SPECC1L: variants seen among roughly 807,000 people sequenced by gnomAD.
The protein encoded by SPECC1L is cytospin-A.
A neutral mutation model predicts 116.8 loss-of-function variants in SPECC1L; 40 were observed. The observed-to-expected ratio is 0.34, with a 90% CI of 0.27 to 0.45. The LOEUF (loss-of-function observed/expected upper bound fraction) is 0.45. Among genes scored for constraint, SPECC1L ranks in the 20% least tolerant of loss-of-function variants. SPECC1L has a pLI of 1.00. For missense variants in SPECC1L, 1,110 were observed against 1,373.6 expected (o/e 0.81, Z 3.03); for synonymous variants, 504 against 500.6 (o/e 1.01, Z -0.09).
intron 14 of SPECC1L, among the ~76,000 whole-genome samples, chr22:24,387,586 G>A (rs1449822463): frequency 6.6e-6 from 1 of 151,992 alleles, no homozygotes; most frequent in Non-Finnish European, 1.5e-5. Context: ...ATTATCTGTG[G>A]TTTTGAGGTT....
At chr22:24,404,311 C>T (rs2042541543) in intron 14 of SPECC1L, among the ~76,000 whole-genome samples, 2 of 152,182 alleles carry the variant, frequency 1.3e-5, no homozygotes, top group African/African-American at 4.8e-5. Context: ...GCCGCACTTT[C>T]TGTCTCTCCG....
intron 14 of SPECC1L, among the ~76,000 whole-genome samples, chr22:24,389,109 A>ATTTT (rs763818960): frequency 2.1e-4 from 21 of 99,928 alleles, no homozygotes; most frequent in African/African-American, 4.5e-4. Flanking sequence ...TCTATAACTG[A>ATTTT]TTTTTTTTTT....
intron 11 of SPECC1L, among the ~76,000 whole-genome samples, chr22:24,359,381 A>G (rs2054600048): frequency 6.6e-6 from 1 of 152,182 alleles, no homozygotes; most frequent in African/African-American, 2.4e-5. Context: ...TGCCTGGTCC[A>G]CATCTTTCCC....
rs528994980 is a variant in SPECC1L at position 24,303,676 on chromosome 22, A to C, written c.153+1292A>C. 3.9e-5 allele frequency among the ~76,000 whole-genome samples: 6 copies of C among 152,302 alleles called. No homozygotes were observed. The South Asian group carries it at 1.2e-3, about 32-fold the overall frequency. ...TTTGGAGGTTTACTATGGAATGTGC[A>C]CTGAGCAGGCATGTTACACCTTCTG... On this transcript the variant is annotated intron_variant, in intron 3 of 16. Coordinates refer to ENST00000314328, the MANE Select transcript of SPECC1L (RefSeq NM_015330.6).
chr22:24,360,411 C>T (rs114266656), intron 11 of SPECC1L, among the ~76,000 whole-genome samples: 217 of 152,206 alleles, frequency 1.4e-3, no homozygotes, highest in African/African-American at 4.7e-3. Context: ...GTTCTCAGTG[C>T]GTTTTTGTGT....
intron 4 of SPECC1L, among the ~76,000 whole-genome samples, chr22:24,317,355 C>T (rs112806494): frequency 8.4e-6 from 1 of 119,080 alleles, no homozygotes; most frequent in Non-Finnish European, 1.9e-5. Context: ...GCTGGCCGGG[C>T]AGAGGGGCTC....
chr22:24,288,479 C>T (rs565012782), intron 2 of SPECC1L, among the ~76,000 whole-genome samples: 13 of 152,104 alleles, frequency 8.5e-5, no homozygotes, highest in African/African-American at 2.4e-4. Flanking sequence ...AACTTCTTAG[C>T]ATTTTTTATT....
intron 14 of SPECC1L, among the ~76,000 whole-genome samples, chr22:24,396,687 A>G (rs935133725): frequency 5.3e-5 from 8 of 152,180 alleles, no homozygotes; most frequent in Non-Finnish European, 8.8e-5. Context: ...TAACCTTTTC[A>G]ACACTCCAGT....
intron 16 of SPECC1L, among the ~76,000 whole-genome samples, chr22:24,413,647 A>G (rs1329217153): frequency 1.3e-5 from 2 of 152,216 alleles, no homozygotes; most frequent in African/African-American, 4.8e-5. Flanking sequence ...GTACAGGGAA[A>G]AATAAGTTAA....
At chr22:24,379,756 T>C (rs1460064566) in intron 14 of SPECC1L, among the ~76,000 whole-genome samples, 1 of 152,236 alleles carries the variant, frequency 6.6e-6, no homozygotes, top group Non-Finnish European at 1.5e-5. Context: ...GGCTTTTGTT[T>C]CCTGTGAGAC....
intron 10 of SPECC1L, among the ~76,000 whole-genome samples, chr22:24,346,516 CA>C (rs2041299224): frequency 6.6e-6 from 1 of 152,184 alleles, no homozygotes; most frequent in East Asian, 1.9e-4. Context: ...TATTTTGGAA[CA>C]TGTTTTTGTA....
intron 14 of SPECC1L, among the ~76,000 whole-genome samples, chr22:24,396,625 CATATT>C (rs1301265841): frequency 2.0e-5 from 3 of 152,152 alleles, no homozygotes; most frequent in Admixed American, 6.5e-5. Context: ...ATTTCTGAAA[CATATT>C]ATTATTTCCA....
intron 11 of SPECC1L, among the ~76,000 whole-genome samples, chr22:24,356,130 A>G (rs2041528297): frequency 6.6e-6 from 1 of 152,032 alleles, no homozygotes; most frequent in South Asian, 2.1e-4. Context: ...ACTTGGCAGC[A>G]TGTTTTTATT....
chr22:24,288,809 A>G (rs1268220015), intron 2 of SPECC1L, among the ~76,000 whole-genome samples: 4 of 152,072 alleles, frequency 2.6e-5, no homozygotes, highest in Admixed American at 6.6e-5. Context: ...TACTTTTAGT[A>G]GAGACGGGTT....
chr22:24,390,874 T>TTTA (rs56823039), intron 14 of SPECC1L, among the ~76,000 whole-genome samples: 2 of 63,990 alleles, frequency 3.1e-5, no homozygotes, highest in South Asian at 6.5e-4. Context: ...TTTCTTTTCT[T>TTTA]TTTTTTTTTT....
intron 2 of SPECC1L, among the ~76,000 whole-genome samples, chr22:24,290,070 A>G (rs17004893): frequency 0.028 from 4,286 of 152,200 alleles, 207 homozygotes; most frequent in South Asian, 0.091. Flanking sequence ...CTGGGGATTC[A>G]TTGGCCCTGC....
intron 2 of SPECC1L, among the ~76,000 whole-genome samples, chr22:24,288,402 G>A (rs930397899): frequency 4.6e-5 from 7 of 151,792 alleles, no homozygotes; most frequent in African/African-American, 1.7e-4. Flanking sequence ...ATCCCCTAGG[G>A]TACAAAATTG....
At chr22:24,396,520 A>G (rs902966134) in intron 14 of SPECC1L, among the ~76,000 whole-genome samples, 3 of 151,908 alleles carry the variant, frequency 2.0e-5, no homozygotes, top group African/African-American at 4.8e-5. Flanking sequence ...CTGGTCTCGA[A>G]CTCCTGACCT....
chr22:24,345,772 G>C (rs538292257), intron 10 of SPECC1L, among the ~76,000 whole-genome samples: 1 of 152,270 alleles, frequency 6.6e-6, no homozygotes, highest in South Asian at 2.1e-4. Context: ...AGTGTGGTAG[G>C]GATGTGGAGA....
Sources: gnomAD v4.1 joint callset for allele counts (sites outside exome capture counted in the v4.1 genomes callset) on GRCh38, gnomAD v4.1.1 for gene constraint, MANE v1.5 for transcripts, NCBI Gene and HGNC (gene_info 2026-07-23, HGNC 2026-07-21) for gene names.